The following RFX2 variants were observed in gnomAD, a reference collection of about 807,000 sequenced individuals.
RFX2 encodes the protein regulatory factor X2, also known as DNA-binding protein RFX2.
In RFX2, 20 loss-of-function variants were observed where a neutral mutation model predicts 87.8. That is an observed-to-expected ratio of 0.23 (90% CI 0.16 to 0.33). The LOEUF (loss-of-function observed/expected upper bound fraction) is 0.33. Ranked by LOEUF, RFX2 falls within the 10% of genes least tolerant of loss-of-function variation. The pLI, the probability that RFX2 is intolerant of heterozygous loss-of-function variation, is 1.00. For synonymous variants in RFX2, 397 were observed against 431.3 expected, an observed-to-expected ratio of 0.92 and a Z score of 0.98; for missense variants, 767 against 1,012.3, an observed-to-expected ratio of 0.76 and a Z score of 3.29.
chr19:6,068,506 G>C (rs1048685101), intron 1 of RFX2: 1 of 152,234 alleles, frequency 6.6e-6, no homozygotes, highest in Non-Finnish European at 1.5e-5. Context: ...CAGACAGAAG[G>C]AGTGCTGGGA....
chr19:6,096,748 G>A (rs370458420), intron 1 of RFX2, among the ~76,000 whole-genome samples: 13 of 152,228 alleles, frequency 8.5e-5, no homozygotes, highest in African/African-American at 2.9e-4. Context: ...ACCTGGCCTC[G>A]TTTCTTATAA....
intron 9 of RFX2, 90 bp from the exon 10 acceptor site, chr19:6,008,314 A>G (rs2144689706): frequency 3.0e-6 from 2 of 676,612 alleles, no homozygotes; most frequent in Middle Eastern, 2.7e-4. Flanking sequence ...GGGCCCAGAA[A>G]CAGATGTTCT....
intron 1 of RFX2, among the ~76,000 whole-genome samples, chr19:6,069,026 C>T (rs1481450042): frequency 6.6e-6 from 1 of 152,058 alleles, no homozygotes; most frequent in Admixed American, 6.6e-5. Context: ...AGGGTACCTC[C>T]AAGGTTTTTG....
At chr19:6,100,634 G>A (rs2088107064) in intron 1 of RFX2, among the ~76,000 whole-genome samples, 3 of 152,154 alleles carry the variant, frequency 2.0e-5, no homozygotes, top group African/African-American at 2.4e-5. Context: ...ATCGGAGGAA[G>A]GTGGAAGTTT....
rs80336072 is a variant in RFX2 at position 6,064,186 on chromosome 19, C to T, written c.-8-16682G>A. Among the ~76,000 whole-genome samples, 3,794 of 152,290 alleles carry T rather than the reference C, an allele frequency of 0.025. 147 individuals carry two copies. Among genetic ancestry groups the T allele is most frequent in the African/African-American group, 0.085 (3,540 of 41,546 alleles). On this transcript the variant is annotated intron_variant, in intron 1 of 17. Transcript: ENST00000303657. This position sits in a 1 kb window ranked among gnomAD's most constrained non-coding sequence, Gnocchi z 4.8. ...AAGAGAATGAGCAGCCCGCCTGCTCCGGGCTGCTCACCTGTTCTAGCCACC... is the reference window on the plus strand; with the variant it reads ...AAGAGAATGAGCAGCCCGCCTGCTCTGGGCTGCTCACCTGTTCTAGCCACC...
intron 1 of RFX2, among the ~76,000 whole-genome samples, chr19:6,086,759 G>A (rs78658022): frequency 0.017 from 2,610 of 152,258 alleles, 45 homozygotes; most frequent in Middle Eastern, 0.048. Context: ...TCAGTGATGC[G>A]CTTCCTTACT....
intron 12 of RFX2, among the ~76,000 whole-genome samples, chr19:6,005,748 A>G (rs1179663629): frequency 6.6e-6 from 1 of 152,134 alleles, no homozygotes; most frequent in Non-Finnish European, 1.5e-5. Flanking sequence ...CCTCTACCCT[A>G]ACAGGCTGCA....
chr19:6,065,992 G>A (rs1324723302), intron 1 of RFX2, among the ~76,000 whole-genome samples: 1 of 149,152 alleles, frequency 6.7e-6, no homozygotes, highest in East Asian at 2.0e-4. Context: ...GGGGGCGGGG[G>A]CTGGGGGCGG....
rs58905799 is a variant in RFX2 at position 6,020,922 on chromosome 19, T to A, written c.598-4651A>T. On this transcript the variant is annotated intron_variant, in intron 6 of 17. Transcript: ENST00000303657. The surrounding 1 kb of genome is among the most constrained non-coding windows in gnomAD (Gnocchi z 5.3). ...ATGAAATGGATCAAATCATTCCTTT[T>A]AAGGAAAAAAAATCCCGAAATGCCA... Among the ~76,000 whole-genome samples, 959 of 152,242 alleles carry A rather than the reference T, an allele frequency of 6.3e-3. 12 individuals carry two copies. The highest frequency in any genetic ancestry group is 0.022 in the African/African-American group (909 of 41,540).
chr19:6,084,532 C>T (rs550610448), intron 1 of RFX2, among the ~76,000 whole-genome samples: 5 of 152,204 alleles, frequency 3.3e-5, no homozygotes, highest in African/African-American at 1.2e-4. Flanking sequence ...ACCCCCTCCC[C>T]AGCCCCTGGC....
chr19:6,064,613 C>T lies in RFX2; in HGVS notation c.-8-17109G>A, dbSNP rs531483716. On this transcript the variant is annotated intron_variant, in intron 1 of 17. Coordinates refer to ENST00000303657, the MANE Select transcript of RFX2 (RefSeq NM_000635.4). This position sits in a 1 kb window ranked among gnomAD's most constrained non-coding sequence, Gnocchi z 4.8. ...ACCCGGCAGCACGCCCACTGGGCAC[C>T]TGTGCCCACCTGGGGATGGGGTCTC... Among the ~76,000 whole-genome samples the T allele has an allele frequency of 7.2e-5, 11 of 152,356 alleles. No homozygotes were observed. Among genetic ancestry groups the T allele is most frequent in the Non-Finnish European group, 1.5e-4 (10 of 68,028 alleles).
At position 6,040,295 on chromosome 19, in the gene RFX2, T is replaced by C; in HGVS notation, c.261-54A>G. ...GACGCTGTCCCATTTAAATGCCTTGTCTGAGTTCACAGATATCCAGCCAAA... is the reference window on the plus strand; with the variant it reads ...GACGCTGTCCCATTTAAATGCCTTGCCTGAGTTCACAGATATCCAGCCAAA... On this transcript the variant is annotated intron_variant, in intron 4 of 17. Transcript: ENST00000303657. The surrounding 1 kb of genome is among the most constrained non-coding windows in gnomAD (Gnocchi z 6.1). 1.4e-6 allele frequency: 2 copies of C among 1,475,626 alleles called. No individual in the cohort carries two copies. The highest frequency in any genetic ancestry group is 1.8e-6 in the Non-Finnish European group (2 of 1,106,072). The allele number at this position is 1,475,626 out of a possible 1,614,324, so 91.4% of individuals were successfully genotyped here.
rs1007400239 is a variant in RFX2 at position 6,044,082 on chromosome 19, TACA to T, written c.180+108_180+110del. 1.1e-4 allele frequency: 59 copies of T among 554,392 alleles called. No homozygotes were observed. The highest frequency in any genetic ancestry group is 1.0e-3 in the African/African-American group (51 of 51,136). The allele number at this position is 554,392 out of a possible 1,614,324, so 34.3% of individuals were successfully genotyped here. On this transcript the variant is annotated intron_variant, in intron 3 of 17. Transcript: ENST00000303657. The surrounding 1 kb of genome is among the most constrained non-coding windows in gnomAD (Gnocchi z 5.3). ...GTCTTTTGGCTAAGAAACTGAAGCT[TACA>T]ACAAGGAACAGCAGCCACAGAAAAG...
rs1450538314 is a variant in RFX2, at chr19:6,101,717, G to T, written c.-9+8676C>A. On this transcript the variant is annotated intron_variant, in intron 1 of 17. Transcript: ENST00000303657. The surrounding 1 kb of genome is among the most constrained non-coding windows in gnomAD (Gnocchi z 4.9). ...CCTTTTTCACATGGGACTTGGGCAA[G>T]TCTAATCTTTCTGGTTGCCATTGGA... 2.0e-5 allele frequency among the ~76,000 whole-genome samples: 3 copies of T among 152,188 alleles called. No individual in the cohort carries two copies. The highest frequency in any genetic ancestry group is 7.2e-5 in the African/African-American group (3 of 41,438).
At chr19:6,018,032 G>A (rs538348542) in intron 6 of RFX2, among the ~76,000 whole-genome samples, 1 of 152,072 alleles carries the variant, frequency 6.6e-6, no homozygotes, top group South Asian at 2.1e-4. Context: ...TGGAGGTGCA[G>A]TGGCGCAATC....
intron 1 of RFX2, among the ~76,000 whole-genome samples, chr19:6,103,044 G>C (rs2088152492): frequency 6.6e-6 from 1 of 152,146 alleles, no homozygotes; most frequent in Admixed American, 6.6e-5. Flanking sequence ...AAAAACTGCA[G>C]AGATCTTAGT....
intron 1 of RFX2, among the ~76,000 whole-genome samples, chr19:6,069,487 T>C (rs1599901634): frequency 6.6e-6 from 1 of 152,162 alleles, no homozygotes; most frequent in East Asian, 1.9e-4. Context: ...AGTGTATAAA[T>C]GACCTAGTTA....
At chr19:6,075,873 G>A (rs1435945502) in intron 1 of RFX2, among the ~76,000 whole-genome samples, 3 of 152,228 alleles carry the variant, frequency 2.0e-5, no homozygotes, top group African/African-American at 7.2e-5. Flanking sequence ...CACCAGGAAA[G>A]CAGGTGTAGA....
In RFX2 at chr19:6,098,965, C is replaced by CAAAAAAAA. The variant is rs34110529; in HGVS notation, c.-9+11420_-9+11427dup. 1.8e-3 allele frequency among the ~76,000 whole-genome samples: 97 copies of CAAAAAAAA among 52,762 alleles called. 9 individuals carry two copies. The highest frequency in any genetic ancestry group is 5.0e-3 in the African/African-American group (95 of 19,180). The allele number at this position is 52,762 out of a possible 152,430, so 34.6% of individuals were successfully genotyped here. A position where few individuals can be genotyped will look rare whatever the true frequency, so the allele number is the denominator to read the frequency against. On this transcript the variant is annotated intron_variant, in intron 1 of 17. Transcript: ENST00000303657. ...AATCTTTCACAAACTGCTTGAACCACAAAAAAAAAAAAAAAAAAAAAAAAA... is the reference window on the plus strand; with the variant it reads ...AATCTTTCACAAACTGCTTGAACCACAAAAAAAAAAAAAAAAAAAAAAAAAAAAAAAAA...
Sources: gnomAD v4.1 joint callset for allele counts (sites outside exome capture counted in the v4.1 genomes callset) on GRCh38, gnomAD v4.1.1 for gene constraint, Gnocchi (gnomAD v3.1) non-coding constraint, MANE v1.5 for transcripts, NCBI Gene and HGNC (gene_info 2026-07-23, HGNC 2026-07-21) for gene names.